The following MTHFD1 variants were observed in gnomAD, a reference collection of about 807,000 sequenced individuals.
The protein encoded by MTHFD1 is C-1-tetrahydrofolate synthase, cytoplasmic.
A neutral mutation model predicts 110.3 loss-of-function variants in MTHFD1; 44 were observed. The observed-to-expected ratio is 0.40, with a 90% CI of 0.31 to 0.51. The LOEUF (loss-of-function observed/expected upper bound fraction) is 0.51. Among genes scored for constraint, MTHFD1 ranks in the 20% least tolerant of loss-of-function variants. MTHFD1 has a pLI of 0.60. For synonymous variants in MTHFD1, 402 were observed against 428.8 expected (o/e 0.94, Z 0.77); for missense variants, 909 against 1,173.1 (o/e 0.77, Z 3.29).
Position 64,424,920 on chromosome 14 carries a change from A to G in MTHFD1, c.844A>G (p.Met282Val), listed in dbSNP as rs2078107559. ...PGGVGPMTVA[M>V]LMQSTVESAK... ...CGGCGTAGGGCCCATGACAGTTGCA[A>G]TGCTCATGCAGGTAATTGTGAATAA... The change falls in exon 9 of 28, where the codon ATG becomes GTG. Residue 282 changes from methionine (M) to valine (V), a missense_variant. By Grantham distance (21) the Met-to-Val change is conservative. This residue lies in a region of MTHFD1 where 424 missense variants were observed against 510.4 expected (regional missense o/e 0.83). Coordinates refer to ENST00000652337, the MANE Select transcript of MTHFD1 (RefSeq NM_005956.4). 2 of 1,614,208 alleles carry G rather than the reference A, an allele frequency of 1.2e-6. No homozygotes were observed. The highest frequency in any genetic ancestry group is 2.2e-5 in the East Asian group (1 of 44,890).
intron 2 of MTHFD1, among the ~76,000 whole-genome samples, chr14:64,407,696 C>A (rs971092266): frequency 6.6e-6 from 1 of 151,866 alleles, no homozygotes; most frequent in Non-Finnish European, 1.5e-5. Flanking sequence ...ACTACAGGCA[C>A]ACCACCATGC....
chr14:64,449,745 G>C, intron 24 of MTHFD1, 123 bp downstream of exon 24: 1 of 1,152,378 alleles, frequency 8.7e-7, no homozygotes. Flanking sequence ...TGATTCCCAC[G>C]TAGGTGACTT....
At chr14:64,439,460 G>A in intron 17 of MTHFD1, 3 of 470,060 alleles carry the variant, frequency 6.4e-6, no homozygotes, top group Non-Finnish European at 1.2e-5. Flanking sequence ...CTTTTTTGTG[G>A]CCATTTCACT....
At position 64,417,916 on chromosome 14, in the gene MTHFD1, G is replaced by A. The variant is rs146580741; in HGVS notation, c.507G>A (p.Val169=). ...TGVPIAGRHA[V]VVGRSKIVGA... ...TGCCGATTGCCGGAAGGCATGCTGT[G>A]GTGGTTGGGCGCAGTAAAATAGTTG... Residue 169 remains valine, a synonymous_variant, in exon 7 of 28, where the codon GTG becomes GTA. Transcript: ENST00000652337. This position sits in a 1 kb window ranked among gnomAD's most constrained non-coding sequence, Gnocchi z 4.4. The A allele has an allele frequency of 4.3e-6, 7 of 1,613,052 alleles. No individual in the cohort carries two copies. In the African/African-American group the frequency reaches 5.3e-5, roughly 12 times the overall value.
rs755508168 is a variant in MTHFD1, at chr14:64,388,359, C to G, written c.-69C>G. ...TAAGCACGTGGGTTGGGTTGTCCTG[C>G]TTGGCTGCGGAGGGAGTGGAACCTC... is the stretch of plus-strand genomic sequence containing the variant. On this transcript the variant is annotated 5_prime_UTR_variant, in exon 1 of 28. Coordinates refer to ENST00000652337, the MANE Select transcript of MTHFD1 (RefSeq NM_005956.4). 2 of 1,614,166 alleles carry G rather than the reference C, an allele frequency of 1.2e-6. No homozygotes were observed. The highest frequency in any genetic ancestry group is 1.7e-6 in the Non-Finnish European group (2 of 1,179,988).
chr14:64,420,626 TC>T (rs1372981842), intron 8 of MTHFD1, among the ~76,000 whole-genome samples: 1 of 152,166 alleles, frequency 6.6e-6, no homozygotes, highest in Non-Finnish European at 1.5e-5. Flanking sequence ...TGTGATAACT[TC>T]CTTGCAGGTG....
intron 2 of MTHFD1, among the ~76,000 whole-genome samples, chr14:64,406,587 G>C (rs919161631): frequency 6.7e-6 from 1 of 148,894 alleles, no homozygotes; most frequent in Non-Finnish European, 1.5e-5. Flanking sequence ...GGATCTCCCA[G>C]GCTCAAGCTA....
Position 64,453,779 on chromosome 14 carries a change from T to A in MTHFD1, c.2483T>A (p.Ile828Asn), listed in dbSNP as rs1486657119. 6.2e-7 allele frequency: 1 copy of A among 1,611,432 alleles called. No homozygotes were observed. The highest frequency in any genetic ancestry group is 8.5e-7 in the Non-Finnish European group (1 of 1,177,770). Residue 828 changes from isoleucine to asparagine, a missense_variant, in exon 25 of 28, where the codon ATC (isoleucine) becomes AAC (asparagine). Physicochemically the swap from Ile to Asn is moderately radical, Grantham distance 149. This residue lies in a region of MTHFD1 where 482 missense variants were observed against 646.0 expected (regional missense o/e 0.75). Transcript: ENST00000652337. ...LKLPVEDKIR[I>N]IAQKIYGADD... is the part of the protein sequence containing the mutation. ...CTCCCAGTTGAGGATAAAATCAGGA[T>A]CATTGCACAGAAGATCTATGGAGCA...
intron 26 of MTHFD1, among the ~76,000 whole-genome samples, chr14:64,457,698 C>G (rs1258006369): frequency 6.6e-6 from 1 of 152,128 alleles, no homozygotes; most frequent in East Asian, 1.9e-4. Flanking sequence ...TCAGGTGATC[C>G]ATCTGCCTTG....
chr14:64,410,852 T>C (rs1034995769), intron 2 of MTHFD1, among the ~76,000 whole-genome samples: 1 of 152,142 alleles, frequency 6.6e-6, no homozygotes, highest in African/African-American at 2.4e-5. Context: ...TCCTCTACTT[T>C]CTGTTTGGGG....
At chr14:64,425,869 T>G in intron 10 of MTHFD1, 42 bp downstream of exon 10, 12 of 1,596,954 alleles carry the variant, frequency 7.5e-6, no homozygotes, top group Non-Finnish European at 9.4e-6. Context: ...TGTGAATTGT[T>G]GGTTTTTAGT....
intron 22 of MTHFD1, among the ~76,000 whole-genome samples, chr14:64,445,623 G>C (rs913815933): frequency 3.3e-5 from 5 of 152,138 alleles, no homozygotes; most frequent in African/African-American, 1.2e-4. Flanking sequence ...AAACTGGCTA[G>C]AAAAAATTGC....
chr14:64,439,678 A>C (rs943277487), intron 17 of MTHFD1, among the ~76,000 whole-genome samples: 1 of 152,026 alleles, frequency 6.6e-6, no homozygotes, highest in East Asian at 1.9e-4. Context: ...AGGCGGGCGG[A>C]TCACTTGAGG....
rs1379351467 is a variant in MTHFD1 at position 64,410,957 on chromosome 14, ACTC to A, written c.127-130_127-128del. 4.2e-6 allele frequency: 3 copies of A among 713,710 alleles called. No individual in the cohort carries two copies. In the African/African-American group the frequency reaches 5.3e-5, roughly 12 times the overall value. 44.2% of individuals were successfully genotyped at this position (713,710 alleles called of 1,614,324 possible). A position where few individuals can be genotyped will look rare whatever the true frequency, so the allele number is the denominator to read the frequency against. The stretch of plus-strand genomic sequence containing the variant: ...CCTCCTGCCCCCACAGCCTCCCTAT[ACTC>A]CTGTAAAAGTTCTCTGCAACAAGAG... On this transcript the variant is annotated intron_variant, in intron 2 of 27. Coordinates refer to ENST00000652337, the MANE Select transcript of MTHFD1 (RefSeq NM_005956.4).
intron 23 of MTHFD1, chr14:64,449,095 A>G (rs187910024): frequency 1.3e-3 from 473 of 360,280 alleles, no homozygotes; most frequent in Admixed American, 2.7e-3. Context: ...CACCGCGCCC[A>G]GCCAGCAAAA....
intron 12 of MTHFD1, among the ~76,000 whole-genome samples, chr14:64,428,700 C>T (rs112462245): frequency 0.13 from 19,569 of 151,300 alleles, 1,314 homozygotes; most frequent in East Asian, 0.23. Flanking sequence ...ACTACAGGTG[C>T]GTGCCACCAT....
At chr14:64,438,368 C>T (rs985425641) in intron 16 of MTHFD1, among the ~76,000 whole-genome samples, 1 of 152,184 alleles carries the variant, frequency 6.6e-6, no homozygotes, top group African/African-American at 2.4e-5. Context: ...TAACAAGACA[C>T]TCCTATCACC....
chr14:64,444,399 C>T (rs2078273828), intron 21 of MTHFD1, among the ~76,000 whole-genome samples: 1 of 152,046 alleles, frequency 6.6e-6, no homozygotes, highest in South Asian at 2.1e-4. Context: ...GGCCTTCACT[C>T]GAGTCACTGC....
chr14:64,441,902 G>T, intron 19 of MTHFD1, 152 bp from the exon 20 acceptor site: 1 of 698,198 alleles, frequency 1.4e-6, no homozygotes, highest in Non-Finnish European at 2.6e-6. Context: ...ACCTGTGACT[G>T]GGACGTTACT....
Sources: gnomAD v4.1 joint callset for allele counts (sites outside exome capture counted in the v4.1 genomes callset) on GRCh38, gnomAD v4.1.1 for gene constraint, gnomAD v4.1.1 regional missense constraint, Gnocchi (gnomAD v3.1) non-coding constraint, MANE v1.5 for transcripts, NCBI Gene and HGNC (gene_info 2026-07-23, HGNC 2026-07-21) for gene names.